VIPR2: variants seen among roughly 807,000 people sequenced by gnomAD.
VIPR2 encodes the protein vasoactive intestinal polypeptide receptor 2.
VIPR2 carries 48 observed loss-of-function variants against 58.0 expected under a neutral mutation model. The ratio of observed to expected loss-of-function variants is 0.83; its 90% CI spans 0.66 to 1.05. The LOEUF (loss-of-function observed/expected upper bound fraction) is 1.05. Ranked by LOEUF, VIPR2 falls within the 50% of genes least tolerant of loss-of-function variation. VIPR2 has a pLI of 0.00. For missense variants in VIPR2, 534 were observed against 558.0 expected, an observed-to-expected ratio of 0.96 and a Z score of 0.43; for synonymous variants, 243 against 235.2, an observed-to-expected ratio of 1.03 and a Z score of -0.30.
At chr7:159,134,948 C>T (rs371638607) in intron 2 of VIPR2, among the ~76,000 whole-genome samples, 66 of 148,734 alleles carry the variant, frequency 4.4e-4, no homozygotes, top group African/African-American at 1.4e-3. Flanking sequence ...TGAGTCACCG[C>T]GCCTGGCCAA....
intron 4 of VIPR2, among the ~76,000 whole-genome samples, chr7:159,062,949 G>C (rs531304760): frequency 3.0e-4 from 45 of 152,326 alleles, no homozygotes; most frequent in African/African-American, 9.6e-4. Flanking sequence ...AGATTAGCTA[G>C]ACACAGAACA....
chr7:159,133,552 C>T (rs1417291290), intron 2 of VIPR2, among the ~76,000 whole-genome samples: 1 of 152,260 alleles, frequency 6.6e-6, no homozygotes, highest in Non-Finnish European at 1.5e-5. Context: ...ACTTTATCTG[C>T]CAAGAACACA....
chr7:159,044,327 G>T (rs2730253), intron 5 of VIPR2, among the ~76,000 whole-genome samples: 134,323 of 152,176 alleles, frequency 0.88, 59,758 homozygotes, highest in East Asian at 1. Context: ...AGCTACAACC[G>T]GCAGCAAGAA....
At chr7:159,106,585 C>T (rs1291046698) in intron 3 of VIPR2, among the ~76,000 whole-genome samples, 1 of 95,202 alleles carries the variant, frequency 1.1e-5, no homozygotes, top group Non-Finnish European at 2.0e-5. Flanking sequence ...CAGGGAGGGG[C>T]ACAGAGAGGC....
intron 2 of VIPR2, among the ~76,000 whole-genome samples, chr7:159,135,640 TG>T (rs1206117655): frequency 2.0e-5 from 3 of 151,694 alleles, no homozygotes; most frequent in African/African-American, 7.3e-5. Context: ...CTGGCCAACA[TG>T]GTGAAACCCC....
intron 10 of VIPR2, among the ~76,000 whole-genome samples, chr7:159,033,142 A>G (rs1409845669): frequency 1.3e-5 from 2 of 152,212 alleles, no homozygotes; most frequent in African/African-American, 4.8e-5. Context: ...TAGTGACATT[A>G]TTACTTCCAT....
chr7:159,090,702 C>CCTGCAACCA (rs1857444431), intron 4 of VIPR2, among the ~76,000 whole-genome samples: 2 of 119,346 alleles, frequency 1.7e-5, no homozygotes, highest in African/African-American at 7.3e-5. Context: ...GGGGCCACCT[C>CCTGCAACCA]TTGTGACTAT....
At chr7:159,100,989 G>A (rs1400941004) in intron 4 of VIPR2, among the ~76,000 whole-genome samples, 12 of 141,674 alleles carry the variant, frequency 8.5e-5, no homozygotes, top group Non-Finnish European at 1.5e-4. Flanking sequence ...CGGGTCTCAC[G>A]AGATCCGACG....
At chr7:159,143,098 A>C (rs1174468688) in intron 1 of VIPR2, among the ~76,000 whole-genome samples, 1 of 152,262 alleles carries the variant, frequency 6.6e-6, no homozygotes, top group Non-Finnish European at 1.5e-5. Flanking sequence ...GGAGGGAGGC[A>C]GAGGTGGGGG....
chr7:159,058,536 A>T lies in VIPR2; in HGVS notation c.400T>A (p.Tyr134Asn). Reference sequence around the variant, plus strand: ...GCAAGAGACATCAGAGAGACACTGTAGCCCAGTGTATAAATGGCCTTCACC... The same window carrying T: ...GCAAGAGACATCAGAGAGACACTGTTGCCCAGTGTATAAATGGCCTTCACC... ...ILVKAIYTLG[Y>N]SVSLMSLATG... Residue 134 changes from tyrosine to asparagine, a missense_variant, in exon 5 of 13, where the codon TAC becomes AAC. Around this residue, in one of 3 missense-constraint regions of VIPR2, gnomAD observed 224 missense variants for 255.7 expected, o/e 0.88. Coordinates refer to ENST00000262178, the MANE Select transcript of VIPR2 (RefSeq NM_003382.5). 2 of 1,613,688 alleles carry T rather than the reference A, an allele frequency of 1.2e-6. No homozygotes were observed. Among genetic ancestry groups the T allele is most frequent in the Non-Finnish European group, 1.7e-6 (2 of 1,179,612 alleles).
rs531335438 is a variant in VIPR2, at chr7:159,141,953, C to G, written c.151+493G>C. Among the ~76,000 whole-genome samples, 171 of 152,316 alleles carry G rather than the reference C, an allele frequency of 1.1e-3. 1 individual carries two copies. The highest frequency in any genetic ancestry group is 4.0e-3 in the African/African-American group (168 of 41,568). On this transcript the variant is annotated intron_variant, in intron 2 of 12. Transcript: ENST00000262178. ...ATGGCCCAGCATGCCTCTGTCAAAC[C>G]GGAGAAGGCGATCTGCACGTTCACA...
At chr7:159,033,700 T>C (rs1050491408) in intron 10 of VIPR2, among the ~76,000 whole-genome samples, 8 of 152,018 alleles carry the variant, frequency 5.3e-5, no homozygotes, top group Non-Finnish European at 1.5e-5. Context: ...GGCCTGGTAT[T>C]AGGGCTGGCA....
intron 2 of VIPR2, among the ~76,000 whole-genome samples, chr7:159,115,062 C>T (rs1352499932): frequency 6.6e-6 from 1 of 152,202 alleles, no homozygotes; most frequent in East Asian, 1.9e-4. Flanking sequence ...TTCTATATGG[C>T]AACCACTAGC....
At chr7:159,105,209 G>A (rs1169940520) in intron 3 of VIPR2, among the ~76,000 whole-genome samples, 1 of 152,168 alleles carries the variant, frequency 6.6e-6, no homozygotes, top group African/African-American at 2.4e-5. Context: ...CGCCGTGCCA[G>A]CCTTGCCCCG....
intron 4 of VIPR2, among the ~76,000 whole-genome samples, chr7:159,063,498 C>T (rs1855847859): frequency 6.6e-6 from 1 of 151,972 alleles, no homozygotes. Flanking sequence ...CCCCGGTTCC[C>T]GCCCGCGCCT....
At chr7:159,063,610 G>C (rs1451065282) in intron 4 of VIPR2, among the ~76,000 whole-genome samples, 1 of 151,520 alleles carries the variant, frequency 6.6e-6, no homozygotes. Context: ...CGCTCCTCAA[G>C]CGCGGCCAGA....
intron 3 of VIPR2, among the ~76,000 whole-genome samples, chr7:159,106,351 A>G (rs114445248): frequency 0.022 from 3,410 of 152,378 alleles, 139 homozygotes; most frequent in African/African-American, 0.078. Context: ...CAGATGTGGA[A>G]GGACAGGAAA....
At chr7:159,141,758 A>G (rs1289047599) in intron 2 of VIPR2, among the ~76,000 whole-genome samples, 2 of 152,242 alleles carry the variant, frequency 1.3e-5, no homozygotes, top group Admixed American at 6.5e-5. Context: ...GGCCCTCTAC[A>G]GGACAACAGA....
intron 6 of VIPR2, among the ~76,000 whole-genome samples, chr7:159,041,635 G>A (rs199764511): frequency 1.8e-3 from 208 of 116,188 alleles, no homozygotes; most frequent in South Asian, 5.4e-3. Flanking sequence ...TTGAGGGTCC[G>A]TCAGGGTCCT....
Sources: allele counts gnomAD v4.1 joint callset (sites outside exome capture counted in the v4.1 genomes callset), GRCh38; gene constraint gnomAD v4.1.1; regional missense constraint gnomAD v4.1.1; transcripts MANE v1.5; gene names NCBI Gene and HGNC (gene_info 2026-07-23, HGNC 2026-07-21).